The following HACD3 variants were observed in gnomAD, a reference collection of about 807,000 sequenced individuals.
The protein encoded by HACD3 is 3-hydroxyacyl-CoA dehydratase 3.
HACD3 carries 30 observed loss-of-function variants against 55.2 expected under a neutral mutation model. The observed-to-expected ratio is 0.54, with a 90% CI of 0.41 to 0.74. The LOEUF is 0.74. Ranked by LOEUF, HACD3 falls within the 30% of genes least tolerant of loss-of-function variation. The pLI is 0.00. For missense variants in HACD3, 363 were observed against 440.1 expected (o/e 0.82, Z 1.57); for synonymous variants, 141 against 151.7 (o/e 0.93, Z 0.52).
At chr15:65,558,591 GAGTCAGATT>G (rs1274592853) in intron 4 of HACD3, 80 bp from the exon 5 acceptor site, 1 of 1,275,174 alleles carries the variant, frequency 7.8e-7, no homozygotes, top group East Asian at 2.5e-5. Flanking sequence ...GGCTTTGAGG[GAGTCAGATT>G]ACTCAGCCAG....
chr15:65,531,218 G>T (rs2071894975), intron 1 of HACD3: 1 of 151,442 alleles, frequency 6.6e-6, no homozygotes, highest in African/African-American at 2.4e-5. Context: ...GGGGGAGGGG[G>T]AGGGGTGGGG....
At chr15:65,564,072 G>T in intron 6 of HACD3, 143 bp from the exon 7 acceptor site, 3 of 1,054,600 alleles carry the variant, frequency 2.8e-6, no homozygotes, top group Non-Finnish European at 4.2e-6. Flanking sequence ...TTCCTGCTTA[G>T]TTAAGTAAGA....
At chr15:65,568,734 G>A (rs755570289) in intron 7 of HACD3, among the ~76,000 whole-genome samples, 1 of 152,046 alleles carries the variant, frequency 6.6e-6, no homozygotes, top group Non-Finnish European at 1.5e-5. Flanking sequence ...CTTTAAAGAC[G>A]AGCTCAAATT....
At position 65,562,780 on chromosome 15, in the gene HACD3, C is replaced by A. The variant is rs370826631; in HGVS notation, c.428C>A (p.Thr143Lys). 3 of 1,613,658 alleles carry A rather than the reference C, an allele frequency of 1.9e-6. No homozygotes were observed. Among genetic ancestry groups the A allele is most frequent in the Non-Finnish European group, 2.5e-6 (3 of 1,179,756 alleles). The change falls in exon 6 of 11, where the codon ACA (threonine) becomes AAA (lysine). Residue 143 changes from threonine (T) to lysine (K), a missense_variant. By Grantham distance (78) the Thr-to-Lys change is moderately conservative. Transcript: ENST00000261875. ...LESEGSPETL[T>K]NLRKGYLFMY... is the part of the protein sequence containing the mutation. ...GCTTTGCTTTGCTTTACAGCTCTTA[C>A]AAACTTAAGGAAAGGATACCTGTTT...
intron 1 of HACD3, chr15:65,531,445 CG>C (rs981591617): frequency 5.9e-5 from 9 of 152,136 alleles, no homozygotes; most frequent in African/African-American, 2.2e-4. Flanking sequence ...GCTGAAGGCA[CG>C]TAGTAGTGGA....
chr15:65,571,835 G>C (rs1331283323), intron 9 of HACD3, among the ~76,000 whole-genome samples, 181 bp downstream of exon 9: 1 of 152,200 alleles, frequency 6.6e-6, no homozygotes, highest in African/African-American at 2.4e-5. Flanking sequence ...GAGAAAAGTA[G>C]CTCATTTTGT....
chr15:65,559,256 T>G (rs1462710345), intron 5 of HACD3, among the ~76,000 whole-genome samples: 11 of 152,150 alleles, frequency 7.2e-5, no homozygotes. Flanking sequence ...TTCTGGGTGA[T>G]GTAGTTAGAT....
intron 8 of HACD3, among the ~76,000 whole-genome samples, 153 bp downstream of exon 8, chr15:65,570,356 A>G (rs563783740): frequency 6.6e-6 from 1 of 152,340 alleles, no homozygotes; most frequent in South Asian, 2.1e-4. Context: ...GTGCTCTGCA[A>G]AGTTGAGACA....
At position 65,577,069 on chromosome 15, in the gene HACD3, T is replaced by TA; in HGVS notation, c.*693dup. The TA allele has an allele frequency of 6.6e-6, 1 of 152,328 alleles. No homozygotes were observed. The highest frequency in any genetic ancestry group is 1.5e-5 in the Non-Finnish European group (1 of 68,040). The allele number at this position is 152,328 out of a possible 1,614,324, so 9.4% of individuals were successfully genotyped here. The stretch of plus-strand genomic sequence containing the variant: ...ACATCATGATCATGCCATTCTTAAG[T>TA]AAATCAACTATTTTCAACACTGAAG... On this transcript the variant is annotated 3_prime_UTR_variant, in exon 11 of 11. Transcript: ENST00000261875.
intron 1 of HACD3, among the ~76,000 whole-genome samples, chr15:65,544,957 G>A (rs953192264): frequency 3.3e-5 from 5 of 151,728 alleles, no homozygotes; most frequent in African/African-American, 1.2e-4. Flanking sequence ...GGAGGCGGAG[G>A]TTGCGGTGAG....
At chr15:65,562,437 A>C (rs1487534747) in intron 5 of HACD3, among the ~76,000 whole-genome samples, 1 of 152,238 alleles carries the variant, frequency 6.6e-6, no homozygotes, top group Non-Finnish European at 1.5e-5. Flanking sequence ...TATAAGCCAG[A>C]AACCGTTGCC....
At chr15:65,547,022 G>A (rs1460931640) in intron 1 of HACD3, among the ~76,000 whole-genome samples, 1 of 152,120 alleles carries the variant, frequency 6.6e-6, no homozygotes, top group African/African-American at 2.4e-5. Context: ...CTCCTGTGAG[G>A]GGGTATATTT....
chr15:65,568,649 G>A (rs1472860448), intron 7 of HACD3, among the ~76,000 whole-genome samples: 2 of 152,054 alleles, frequency 1.3e-5, no homozygotes, highest in African/African-American at 2.4e-5. Flanking sequence ...ATGAGCCACC[G>A]CACCCAGCCA....
chr15:65,530,874 G>T, intron 1 of HACD3, 156 bp downstream of exon 1: 1 of 705,012 alleles, frequency 1.4e-6, no homozygotes, highest in East Asian at 3.2e-5. Flanking sequence ...GGCGCTTTTC[G>T]AGGCTCATCT....
At chr15:65,545,828 T>G (rs1281943580) in intron 1 of HACD3, among the ~76,000 whole-genome samples, 1 of 152,210 alleles carries the variant, frequency 6.6e-6, no homozygotes, top group Non-Finnish European at 1.5e-5. Context: ...ATTCGCAATT[T>G]ATTTCTTCTT....
At chr15:65,571,973 A>G (rs2072352533) in intron 9 of HACD3, among the ~76,000 whole-genome samples, 1 of 152,212 alleles carries the variant, frequency 6.6e-6, no homozygotes, top group Non-Finnish European at 1.5e-5. Flanking sequence ...TAAGTCAGCT[A>G]GGGATTTTCC....
intron 1 of HACD3, chr15:65,530,977 G>A: frequency 2.2e-6 from 1 of 458,158 alleles, no homozygotes; most frequent in South Asian, 3.2e-5. Flanking sequence ...GCTACCCCGG[G>A]CCTCTTCTTT....
chr15:65,562,393 T>C (rs2072252049), intron 5 of HACD3, among the ~76,000 whole-genome samples: 1 of 150,722 alleles, frequency 6.6e-6, no homozygotes, highest in Non-Finnish European at 1.5e-5. Context: ...GTCCCAACAT[T>C]ATAACAAAAA....
At chr15:65,570,594 G>A (rs969920679) in intron 8 of HACD3, among the ~76,000 whole-genome samples, 3 of 152,106 alleles carry the variant, frequency 2.0e-5, no homozygotes, top group African/African-American at 7.2e-5. Flanking sequence ...ATTTCTACAA[G>A]GGATGATAGA....
Sources: allele counts gnomAD v4.1 joint callset (sites outside exome capture counted in the v4.1 genomes callset), GRCh38; gene constraint gnomAD v4.1.1; transcripts MANE v1.5; gene names NCBI Gene and HGNC (gene_info 2026-07-23, HGNC 2026-07-21).